Variants in ZBTB46 observed in about 807,000 individuals in gnomAD.
The protein encoded by ZBTB46 is zinc finger and BTB domain containing 46.
ZBTB46 carries 8 observed loss-of-function variants against 44.1 expected under a neutral mutation model. The observed-to-expected ratio is 0.18, with a 90% CI of 0.11 to 0.33. ZBTB46 has a LOEUF of 0.33. ZBTB46 is among the 10% of genes least tolerant of loss of function. The pLI, the probability that ZBTB46 is intolerant of heterozygous loss-of-function variation, is 1.00. For synonymous variants in ZBTB46, 409 were observed against 382.3 expected (o/e 1.07, Z -0.81); for missense variants, 651 against 847.7 (o/e 0.77, Z 2.88).
Position 63,775,991 on chromosome 20 carries a change from A to T in ZBTB46, c.938-29T>A. The T allele has an allele frequency of 2.0e-6, 3 of 1,514,244 alleles. No individual in the cohort carries two copies. In the South Asian group the frequency reaches 3.9e-5, roughly 20 times the overall value. The allele number at this position is 1,514,244 out of a possible 1,614,324, so 93.8% of individuals were successfully genotyped here. ...GGGACAGAGGGACACACGTCAGAAG[A>T]CACGGGTCGTTCCCAGACTCTCCAA... On this transcript the variant is annotated intron_variant, in intron 2 of 4. Transcript: ENST00000245663.
chr20:63,785,778 T>C (rs2092509782), intron 2 of ZBTB46, among the ~76,000 whole-genome samples: 1 of 152,062 alleles, frequency 6.6e-6, no homozygotes, highest in Non-Finnish European at 1.5e-5. Flanking sequence ...GGCAGAACCA[T>C]CCTCCATCCT....
chr20:63,749,671 C>G (rs992418106), intron 4 of ZBTB46, among the ~76,000 whole-genome samples: 1 of 152,200 alleles, frequency 6.6e-6, no homozygotes, highest in African/African-American at 2.4e-5. Context: ...ACTTCCAGAA[C>G]AAAAATTCAA....
At chr20:63,769,116 G>T in intron 3 of ZBTB46, 1 of 848,436 alleles carries the variant, frequency 1.2e-6, no homozygotes, top group Non-Finnish European at 1.4e-6. Flanking sequence ...GAGAGCAGGT[G>T]CCACCAAAGT....
chr20:63,801,412 A>G (rs2092643588), intron 1 of ZBTB46, among the ~76,000 whole-genome samples: 2 of 152,204 alleles, frequency 1.3e-5, no homozygotes, highest in African/African-American at 4.8e-5. Context: ...AGCTCTCTCT[A>G]AAACAGACCA....
intron 1 of ZBTB46, chr20:63,814,751 C>T (rs562908541): frequency 1.3e-5 from 2 of 152,440 alleles, no homozygotes; most frequent in Non-Finnish European, 2.9e-5. Context: ...CACCCTACTT[C>T]GGAATTAGGA....
chr20:63,808,783 G>A (rs1161213115), intron 1 of ZBTB46, among the ~76,000 whole-genome samples: 3 of 151,962 alleles, frequency 2.0e-5, no homozygotes, highest in Non-Finnish European at 4.4e-5. Context: ...GACCATCCTG[G>A]CTAACATGGT....
At chr20:63,762,701 T>C (rs1464322557) in intron 3 of ZBTB46, among the ~76,000 whole-genome samples, 2 of 151,930 alleles carry the variant, frequency 1.3e-5, no homozygotes, top group African/African-American at 2.4e-5. Flanking sequence ...ACTGAGCTGT[T>C]AGGAGCAATA....
chr20:63,811,597 C>A (rs1315771284), intron 1 of ZBTB46, among the ~76,000 whole-genome samples: 3 of 152,168 alleles, frequency 2.0e-5, no homozygotes, highest in Admixed American at 6.5e-5. Context: ...GTGACGCAGA[C>A]AACTGACCCT....
intron 1 of ZBTB46, among the ~76,000 whole-genome samples, chr20:63,827,690 C>T (rs2092827324): frequency 6.6e-6 from 1 of 151,056 alleles, no homozygotes; most frequent in African/African-American, 2.4e-5. Context: ...TGTTTCTCAA[C>T]TTTCTATTGT....
At chr20:63,806,381 C>G (rs1156848969) in intron 1 of ZBTB46, among the ~76,000 whole-genome samples, 1 of 139,434 alleles carries the variant, frequency 7.2e-6, no homozygotes, top group Non-Finnish European at 1.5e-5. Flanking sequence ...CACTCCAGCC[C>G]AGGCAACAAC....
At chr20:63,761,580 G>C (rs912833124) in intron 3 of ZBTB46, among the ~76,000 whole-genome samples, 1 of 151,912 alleles carries the variant, frequency 6.6e-6, no homozygotes, top group Non-Finnish European at 1.5e-5. Flanking sequence ...TCAGGAGTTC[G>C]AGACCAGCCT....
intron 3 of ZBTB46, among the ~76,000 whole-genome samples, chr20:63,765,582 C>T (rs1191028251): frequency 6.6e-6 from 1 of 152,216 alleles, no homozygotes; most frequent in East Asian, 1.9e-4. Flanking sequence ...GTGCACAGCA[C>T]CACGCTCAGC....
chr20:63,816,576 G>C (rs925223216), intron 1 of ZBTB46: 10 of 152,348 alleles, frequency 6.6e-5, no homozygotes, highest in African/African-American at 2.4e-4. Context: ...GGCCACGAGA[G>C]GTAGCAGCTG....
rs2092545781 is a variant in ZBTB46, at chr20:63,789,860, G to A, written c.898C>T (p.Leu300=). 1 of 1,612,998 alleles carries A rather than the reference G, an allele frequency of 6.2e-7. No homozygotes were observed. Among genetic ancestry groups the A allele is most frequent in the Non-Finnish European group, 8.5e-7 (1 of 1,179,820 alleles). ...CTGAACGGCCACCCCGACGTCGGCAGGAAGGACGGCACCGGGGAGCTGGCC... is the reference window on the plus strand; with the variant it reads ...CTGAACGGCCACCCCGACGTCGGCAAGAAGGACGGCACCGGGGAGCTGGCC... The part of the protein sequence containing the change: ...SRASSPVPSF[L]PTSGWPFSSR... The change falls in exon 2 of 5, where the codon CTG becomes TTG. Residue 300 remains leucine (L), a synonymous_variant. Coordinates refer to ENST00000245663, the MANE Select transcript of ZBTB46 (RefSeq NM_001369741.1).
Position 63,746,898 on chromosome 20 carries a change from G to T in ZBTB46, c.*32C>A. 1 of 1,492,438 alleles carries T rather than the reference G, an allele frequency of 6.7e-7. No individual in the cohort carries two copies. Among genetic ancestry groups the T allele is most frequent in the Non-Finnish European group, 8.9e-7 (1 of 1,122,162 alleles). The allele number at this position is 1,492,438 out of a possible 1,614,324, so 92.4% of individuals were successfully genotyped here. On this transcript the variant is annotated 3_prime_UTR_variant, in exon 5 of 5. Transcript: ENST00000245663. ...GGACACACACACGGGTGGACGGAGC[G>T]AGGCAGCCACCGACCCTGCCGGCGG...
chr20:63,820,652 G>C (rs1279798281), intron 1 of ZBTB46, among the ~76,000 whole-genome samples: 5 of 151,062 alleles, frequency 3.3e-5, no homozygotes, highest in South Asian at 4.2e-4. Flanking sequence ...GGCTGATCTC[G>C]AACTCCCGAC....
In ZBTB46 at chr20:63,749,628, G is replaced by GC. The variant is rs543079657; in HGVS notation, c.1399-2328dup. Among the ~76,000 whole-genome samples, 44 of 152,306 alleles carry GC rather than the reference G, an allele frequency of 2.9e-4. 1 individual carries two copies. The South Asian group carries it at 9.1e-3, about 32-fold the overall frequency. ...TGGGATTACAGGCGTCAGCCACCGC[G>GC]CCCAGCCTGTTTTGCTGTATTTTAA... On this transcript the variant is annotated intron_variant, in intron 4 of 4. Transcript: ENST00000245663.
chr20:63,758,522 ATGAGT>A (rs1244485254), intron 3 of ZBTB46, among the ~76,000 whole-genome samples: 3 of 126,316 alleles, frequency 2.4e-5, no homozygotes, highest in African/African-American at 3.5e-5. Context: ...TCTTCCCTTT[ATGAGT>A]TATTTCTGTG....
At chr20:63,776,675 G>A (rs976784936) in intron 2 of ZBTB46, among the ~76,000 whole-genome samples, 10 of 151,874 alleles carry the variant, frequency 6.6e-5, no homozygotes, top group East Asian at 1.9e-4. Flanking sequence ...GTGGTGGCAC[G>A]TGCCTGTAAT....
Sources: gnomAD v4.1 joint callset for allele counts (sites outside exome capture counted in the v4.1 genomes callset) on GRCh38, gnomAD v4.1.1 for gene constraint, MANE v1.5 for transcripts, NCBI Gene and HGNC (gene_info 2026-07-23, HGNC 2026-07-21) for gene names.